The following FRS2 variants were observed in gnomAD, a reference collection of about 807,000 sequenced individuals.
FRS2 encodes the protein FGFR signalling adaptor.
Under a neutral mutation model 43.9 loss-of-function variants are expected in FRS2, and 8 were observed. The observed-to-expected ratio is 0.18, with a 90% confidence interval of 0.11 to 0.33. FRS2 has a LOEUF of 0.33. FRS2 is among the 10% of genes least tolerant of loss of function. The pLI is 1.00. For synonymous variants in FRS2, 219 were observed against 220.3 expected (o/e 0.99, Z 0.05); for missense variants, 534 against 627.6 (o/e 0.85, Z 1.59).
chr12:69,536,382 C>G (rs567781098), intron 3 of FRS2, among the ~76,000 whole-genome samples: 1 of 151,968 alleles, frequency 6.6e-6, no homozygotes, highest in African/African-American at 2.4e-5. Flanking sequence ...CTCAGCCTCC[C>G]AAAGTGCTGG....
intron 3 of FRS2, among the ~76,000 whole-genome samples, chr12:69,559,816 C>T (rs532669): frequency 0.021 from 3,177 of 150,850 alleles, 52 homozygotes; most frequent in Non-Finnish European, 0.035. Flanking sequence ...AGACCGTGGA[C>T]ACAACACAGT....
intron 1 of FRS2, among the ~76,000 whole-genome samples, chr12:69,485,103 A>ACACACACACGCG (rs1555183215): frequency 6.9e-6 from 1 of 145,758 alleles, no homozygotes; most frequent in East Asian, 2.0e-4. Context: ...ACACACACAC[A>ACACACACACGCG]CACACACACA....
intron 1 of FRS2, among the ~76,000 whole-genome samples, chr12:69,519,567 C>T (rs147053482): frequency 6.8e-6 from 1 of 147,358 alleles, no homozygotes; most frequent in Non-Finnish European, 1.5e-5. Flanking sequence ...CACCCTCCAC[C>T]CTCTGGTAGG....
intron 1 of FRS2, among the ~76,000 whole-genome samples, chr12:69,489,044 T>A (rs998005855): frequency 7.2e-5 from 11 of 152,186 alleles, no homozygotes; most frequent in African/African-American, 2.7e-4. Flanking sequence ...TATTCCTCTT[T>A]CCATTTTATA....
At chr12:69,572,660 T>C (rs769837463) in intron 8 of FRS2, among the ~76,000 whole-genome samples, 3 of 152,244 alleles carry the variant, frequency 2.0e-5, no homozygotes, top group Admixed American at 6.5e-5. Flanking sequence ...GTTAATGTTA[T>C]GGAGTTATTT....
chr12:69,547,295 T>A (rs1878492323), intron 3 of FRS2, among the ~76,000 whole-genome samples: 1 of 152,146 alleles, frequency 6.6e-6, no homozygotes, highest in South Asian at 2.1e-4. Context: ...ACCTCGCCTC[T>A]ACAAAACATT....
intron 1 of FRS2, chr12:69,480,372 A>C (rs1417947299): frequency 6.6e-6 from 1 of 152,246 alleles, no homozygotes; most frequent in African/African-American, 2.4e-5. Flanking sequence ...AAGTGGAATC[A>C]TAAAATATTT....
chr12:69,502,669 G>T (rs888313467), intron 1 of FRS2, among the ~76,000 whole-genome samples: 1 of 152,198 alleles, frequency 6.6e-6, no homozygotes, highest in Non-Finnish European at 1.5e-5. Context: ...CTTTCATTAT[G>T]ATAAGTGAGA....
intron 1 of FRS2, among the ~76,000 whole-genome samples, chr12:69,530,664 G>A (rs1214307726): frequency 6.6e-6 from 1 of 152,088 alleles, no homozygotes; most frequent in Non-Finnish European, 1.5e-5. Flanking sequence ...GATCGCCTGA[G>A]CCCATGAGAT....
At chr12:69,481,742 G>A (rs546808923) in intron 1 of FRS2, among the ~76,000 whole-genome samples, 19 of 152,130 alleles carry the variant, frequency 1.2e-4, no homozygotes, top group African/African-American at 3.1e-4. Flanking sequence ...TTTATTTTAC[G>A]GAAGGTTTTT....
At chr12:69,564,997 A>T (rs1472635830) in intron 4 of FRS2, among the ~76,000 whole-genome samples, 1 of 152,182 alleles carries the variant, frequency 6.6e-6, no homozygotes, top group Non-Finnish European at 1.5e-5. Flanking sequence ...AATGGTGGAG[A>T]TTCCTTCTGA....
intron 1 of FRS2, among the ~76,000 whole-genome samples, chr12:69,498,874 A>C (rs1440673976): frequency 1.3e-5 from 2 of 152,124 alleles, no homozygotes; most frequent in Admixed American, 1.3e-4. Context: ...GAGTAATAAC[A>C]CTATTGTTTA....
At position 69,533,523 on chromosome 12, in the gene FRS2, A is replaced by G. The variant is rs963177093; in HGVS notation, c.-122+1467A>G. Among the ~76,000 whole-genome samples the G allele has an allele frequency of 3.3e-5, 5 of 151,880 alleles. No individual in the cohort carries two copies. The East Asian group carries it at 9.6e-4, about 29-fold the overall frequency. ...CACCACTGTGCCTGGCTAGTTTTGT[A>G]TTTTTAGTAGAGACGGGGTTTCTCC... is the stretch of plus-strand genomic sequence containing the variant. On this transcript the variant is annotated intron_variant, in intron 3 of 8. Coordinates refer to ENST00000549921, the MANE Select transcript of FRS2 (RefSeq NM_001278356.2).
chr12:69,491,886 T>G (rs1872528772), intron 1 of FRS2, among the ~76,000 whole-genome samples: 1 of 152,200 alleles, frequency 6.6e-6, no homozygotes, highest in Non-Finnish European at 1.5e-5. Context: ...GAAGTAGAAT[T>G]TCTGTGTCCG....
intron 1 of FRS2, among the ~76,000 whole-genome samples, chr12:69,477,314 TG>T (rs1870890865): frequency 6.7e-6 from 1 of 148,204 alleles, no homozygotes; most frequent in African/African-American, 2.5e-5. Flanking sequence ...GGAGTCTCGC[TG>T]TGTCCCCCAG....
intron 1 of FRS2, among the ~76,000 whole-genome samples, chr12:69,500,970 A>G (rs941108965): frequency 8.6e-5 from 13 of 151,804 alleles, no homozygotes; most frequent in African/African-American, 2.4e-4. Flanking sequence ...CTTTAAATTT[A>G]TGCTGATTAA....
intron 1 of FRS2, among the ~76,000 whole-genome samples, chr12:69,490,265 A>G (rs1872349874): frequency 6.6e-6 from 1 of 152,178 alleles, no homozygotes; most frequent in South Asian, 2.1e-4. Flanking sequence ...AAAAACAAAA[A>G]TCATATTAAA....
At chr12:69,566,575 C>A (rs1198408037) in intron 4 of FRS2, among the ~76,000 whole-genome samples, 1 of 151,416 alleles carries the variant, frequency 6.6e-6, no homozygotes, top group Non-Finnish European at 1.5e-5. Flanking sequence ...CCATAGCACT[C>A]CAGCCTGAGC....
At chr12:69,485,579 T>G (rs1381989615) in intron 1 of FRS2, among the ~76,000 whole-genome samples, 1 of 152,114 alleles carries the variant, frequency 6.6e-6, no homozygotes, top group Non-Finnish European at 1.5e-5. Flanking sequence ...ACCTCCCAAG[T>G]TCAGGCGATT....
Sources: allele counts gnomAD v4.1 joint callset (sites outside exome capture counted in the v4.1 genomes callset), GRCh38; gene constraint gnomAD v4.1.1; transcripts MANE v1.5; gene names NCBI Gene and HGNC (gene_info 2026-07-23, HGNC 2026-07-21).